PTPRM: variants seen among roughly 807,000 people sequenced by gnomAD.
The protein encoded by PTPRM is protein tyrosine phosphatase receptor type M.
PTPRM carries 47 observed loss-of-function variants against 186.7 expected under a neutral mutation model. That is an observed-to-expected ratio of 0.25 (90% CI 0.20 to 0.32). The LOEUF (loss-of-function observed/expected upper bound fraction) is 0.32. Ranked by LOEUF, PTPRM falls within the 10% of genes least tolerant of loss-of-function variation. The pLI is 1.00. For synonymous variants in PTPRM, 668 were observed against 674.9 expected (o/e 0.99, Z 0.16); for missense variants, 1,494 against 1,865.0 (o/e 0.80, Z 3.66).
intron 1 of PTPRM, among the ~76,000 whole-genome samples, chr18:7,725,587 G>C (rs1375142044): frequency 6.9e-6 from 1 of 144,876 alleles, no homozygotes; most frequent in Non-Finnish European, 1.5e-5. Flanking sequence ...CCAGAGCTCT[G>C]CCAGCAGAGG....
rs180837136 is a variant in PTPRM at position 7,780,625 on chromosome 18, T to C, written c.196+6354T>C. On this transcript the variant is annotated intron_variant, in intron 2 of 32. Coordinates refer to ENST00000580170, the MANE Select transcript of PTPRM (RefSeq NM_001105244.2). ...GTTCGTGGAACGACTACTATGGGCC[T>C]GGCTATAGGTGCTAGAGCTGTAGCA... is the stretch of plus-strand genomic sequence containing the variant. 2.0e-5 allele frequency among the ~76,000 whole-genome samples: 3 copies of C among 152,292 alleles called. No individual in the cohort carries two copies. In the East Asian group the frequency reaches 5.8e-4, roughly 29 times the overall value.
chr18:8,327,422 A>G (rs1034864530), intron 22 of PTPRM, among the ~76,000 whole-genome samples: 2 of 152,266 alleles, frequency 1.3e-5, no homozygotes, highest in African/African-American at 4.8e-5. Context: ...AGATCACTTC[A>G]TCATGACCAG....
At chr18:7,651,854 T>C (rs551248500) in intron 1 of PTPRM, among the ~76,000 whole-genome samples, 2 of 152,186 alleles carry the variant, frequency 1.3e-5, no homozygotes, top group Admixed American at 1.3e-4. Flanking sequence ...AAGGACTTCA[T>C]GTCTAAAACA....
At chr18:8,394,354 C>G (rs2095834939) in intron 31 of PTPRM, 122 bp from the exon 32 acceptor site, 6 of 1,127,770 alleles carry the variant, frequency 5.3e-6, no homozygotes, top group Non-Finnish European at 7.2e-6. Context: ...AAGAGGTCCC[C>G]CGGCCTCAGA....
At chr18:7,672,143 G>A (rs994064658) in intron 1 of PTPRM, among the ~76,000 whole-genome samples, 3 of 152,114 alleles carry the variant, frequency 2.0e-5, no homozygotes, top group East Asian at 1.9e-4. Context: ...TGAAATGGGT[G>A]GCGTGTTTTT....
chr18:7,725,554 C>A (rs2040530952), intron 1 of PTPRM, among the ~76,000 whole-genome samples: 1 of 146,556 alleles, frequency 6.8e-6, no homozygotes. Context: ...GCCCCCAACC[C>A]CCATCCTGTG....
At chr18:7,912,761 C>T (rs1170123238) in intron 4 of PTPRM, among the ~76,000 whole-genome samples, 2 of 151,572 alleles carry the variant, frequency 1.3e-5, no homozygotes, top group African/African-American at 4.9e-5. Context: ...CCTCGTGATC[C>T]GCCCGCCTCA....
chr18:8,263,808 A>T (rs1274008852), intron 19 of PTPRM, among the ~76,000 whole-genome samples: 2 of 152,214 alleles, frequency 1.3e-5, no homozygotes, highest in African/African-American at 2.4e-5. Context: ...CACAGAGGGC[A>T]TGGAAGCTTG....
chr18:8,311,264 G>A lies in PTPRM; in HGVS notation c.2843-3517G>A, dbSNP rs557191350. 1.4e-4 allele frequency among the ~76,000 whole-genome samples: 22 copies of A among 151,814 alleles called. No homozygotes were observed. In the East Asian group the frequency reaches 3.3e-3, roughly 23 times the overall value. On this transcript the variant is annotated intron_variant, in intron 20 of 32. Transcript: ENST00000580170. The stretch of plus-strand genomic sequence containing the variant: ...GCAGAGGTTGCAATGAGCCGAGATC[G>A]CGCCATTGCACTTTAGCCTGAGCAA...
chr18:7,827,840 A>G (rs967671238), intron 2 of PTPRM, among the ~76,000 whole-genome samples: 2 of 152,224 alleles, frequency 1.3e-5, no homozygotes, highest in African/African-American at 4.8e-5. Context: ...GTTTTCTCAC[A>G]ACTGTGGGCG....
chr18:8,392,614 G>A (rs1358706555), intron 31 of PTPRM, among the ~76,000 whole-genome samples: 3 of 151,542 alleles, frequency 2.0e-5, no homozygotes, highest in East Asian at 3.9e-4. Context: ...GTGACAGAGT[G>A]AGACTCCATC....
At chr18:7,942,054 G>A (rs1462533486) in intron 5 of PTPRM, among the ~76,000 whole-genome samples, 1 of 152,134 alleles carries the variant, frequency 6.6e-6, no homozygotes, top group African/African-American at 2.4e-5. Context: ...AGGAGGCCAA[G>A]GTGGGCAATT....
intron 7 of PTPRM, among the ~76,000 whole-genome samples, chr18:8,046,965 T>G (rs991452907): frequency 6.6e-6 from 1 of 152,200 alleles, no homozygotes; most frequent in South Asian, 2.1e-4. Context: ...AGCGAGAAGG[T>G]GTCTAGAACT....
chr18:7,588,946 CTCCAGTGA>C (rs1313140180), intron 1 of PTPRM, among the ~76,000 whole-genome samples: 3 of 152,166 alleles, frequency 2.0e-5, no homozygotes, highest in African/African-American at 7.2e-5. Context: ...ACCTACTGGG[CTCCAGTGA>C]TCCTCCTGCC....
intron 7 of PTPRM, among the ~76,000 whole-genome samples, chr18:8,024,601 TTGTCCA>T (rs1031769995): frequency 6.6e-6 from 1 of 151,940 alleles, no homozygotes; most frequent in Non-Finnish European, 1.5e-5. Flanking sequence ...GAGCCTTAAA[TTGTCCA>T]TGTTTCTGCA....
chr18:7,657,269 C>T (rs73387584), intron 1 of PTPRM, among the ~76,000 whole-genome samples: 13,562 of 152,094 alleles, frequency 0.089, 689 homozygotes, highest in East Asian at 0.17. Context: ...CAGTGAAGCC[C>T]GTGAACTGAC....
chr18:7,640,876 CTAAAGCCT>C (rs1256118872), intron 1 of PTPRM, among the ~76,000 whole-genome samples: 1 of 152,088 alleles, frequency 6.6e-6, no homozygotes, highest in Non-Finnish European at 1.5e-5. Flanking sequence ...AGTTGGGGTT[CTAAAGCCT>C]TGTTTTAAAG....
chr18:8,340,712 C>T (rs1363897198), intron 22 of PTPRM, among the ~76,000 whole-genome samples: 2 of 152,132 alleles, frequency 1.3e-5, no homozygotes, highest in East Asian at 3.9e-4. Flanking sequence ...TTTGGTGTTT[C>T]ACAGTTACAA....
At position 7,966,868 on chromosome 18, in the gene PTPRM, G is replaced by T. The variant is rs1177741164; in HGVS notation, c.1132+11454G>T. ...TGAGATCAAACCGCAAGGCGGCAGC[G>T]AGGCTGGGGGAGGGGCGCCCACCAT... On this transcript the variant is annotated intron_variant, in intron 7 of 32. Transcript: ENST00000580170. 8.6e-5 allele frequency among the ~76,000 whole-genome samples: 11 copies of T among 127,590 alleles called. 3 individuals are homozygous for T. Among genetic ancestry groups the T allele is most frequent in the Non-Finnish European group, 1.9e-4 (10 of 53,328 alleles). The allele number at this position is 127,590 out of a possible 152,430, so 83.7% of individuals were successfully genotyped here.
Sources: gnomAD v4.1 joint callset for allele counts (sites outside exome capture counted in the v4.1 genomes callset) on GRCh38, gnomAD v4.1.1 for gene constraint, MANE v1.5 for transcripts, NCBI Gene and HGNC (gene_info 2026-07-23, HGNC 2026-07-21) for gene names.